LMNTD1: variants seen among roughly 807,000 people sequenced by gnomAD.
The protein encoded by LMNTD1 is lamin tail domain containing 1, also known as lamin tail domain-containing protein 1.
In LMNTD1, 35 loss-of-function variants were observed where a neutral mutation model predicts 50.9. The ratio of observed to expected loss-of-function variants is 0.69; its 90% CI spans 0.53 to 0.91. The LOEUF is 0.91. Among genes scored for constraint, LMNTD1 ranks in the 40% least tolerant of loss-of-function variants. The probability of loss-of-function intolerance (pLI) is 0.00; values close to 1 mark genes in which losing one functional copy is unlikely to be tolerated. For synonymous variants in LMNTD1, 153 were observed against 161.9 expected (o/e 0.94, Z 0.42); for missense variants, 470 against 475.5 (o/e 0.99, Z 0.11).
At chr12:25,598,728 T>G (rs1283800950) in intron 1 of LMNTD1, among the ~76,000 whole-genome samples, 1 of 151,840 alleles carries the variant, frequency 6.6e-6, no homozygotes, top group Non-Finnish European at 1.5e-5. Context: ...AGCAACTATA[T>G]GCCAATAAAT....
intron 4 of LMNTD1, among the ~76,000 whole-genome samples, chr12:25,541,533 A>T (rs994783939): frequency 1.0e-5 from 1 of 97,154 alleles, no homozygotes; most frequent in African/African-American, 3.4e-5. Context: ...GAAAGCTGAA[A>T]CTGGATCCCT....
intron 1 of LMNTD1, among the ~76,000 whole-genome samples, chr12:25,589,220 C>G (rs542908810): frequency 3.9e-5 from 6 of 152,220 alleles, no homozygotes; most frequent in African/African-American, 1.4e-4. Flanking sequence ...ATGTATATAA[C>G]AGTCAGAAAT....
intron 1 of LMNTD1, among the ~76,000 whole-genome samples, chr12:25,571,963 C>T (rs1476159864): frequency 2.6e-5 from 4 of 152,192 alleles, no homozygotes; most frequent in African/African-American, 2.4e-5. Context: ...TAAGCCACCA[C>T]ACCCAGCTCA....
At chr12:25,518,689 A>G in intron 8 of LMNTD1, 106 bp downstream of exon 8, 2 of 948,366 alleles carry the variant, frequency 2.1e-6, no homozygotes, top group Non-Finnish European at 3.2e-6. Context: ...TGAGAATATG[A>G]ATCATCTTTA....
At chr12:25,640,311 A>G (rs1475859092) in intron 1 of LMNTD1, among the ~76,000 whole-genome samples, 6 of 152,100 alleles carry the variant, frequency 3.9e-5, no homozygotes, top group Admixed American at 3.9e-4. Flanking sequence ...GGAGTTCGAG[A>G]CCAGCCTGGG....
At chr12:25,633,536 A>T (rs1096019) in intron 1 of LMNTD1, among the ~76,000 whole-genome samples, 150,568 of 152,302 alleles carry the variant, frequency 0.99, 74,458 homozygotes, top group Middle Eastern at 1. Flanking sequence ...TTCAAAACCA[A>T]GCAAACACAA....
intron 4 of LMNTD1, among the ~76,000 whole-genome samples, chr12:25,537,358 G>C (rs994184139): frequency 6.6e-6 from 1 of 152,234 alleles, no homozygotes; most frequent in Non-Finnish European, 1.5e-5. Flanking sequence ...GGTTCTCCCA[G>C]TACGCAGCTG....
chr12:25,594,667 A>C lies in LMNTD1; in HGVS notation c.59-48113T>G, dbSNP rs952255728. ...ACAGAAATACAAAAAAAAAAAAAAA[A>C]AAAAAAAAACCCAAGGCATACAGGC... On this transcript the variant is annotated intron_variant, in intron 1 of 7. Coordinates refer to the LMNTD1 transcript ENST00000445693. Among the ~76,000 whole-genome samples the C allele has an allele frequency of 1.7e-3, 256 of 151,066 alleles. 2 individuals carry two copies. The highest frequency in any genetic ancestry group is 3.0e-3 in the Non-Finnish European group (206 of 67,640).
intron 1 of LMNTD1, among the ~76,000 whole-genome samples, chr12:25,595,321 T>C (rs1249304565): frequency 6.6e-6 from 1 of 152,110 alleles, no homozygotes; most frequent in Non-Finnish European, 1.5e-5. Flanking sequence ...ATAGACTATA[T>C]AATAGGCCAC....
chr12:25,477,371 AACATTG>A (rs34999018), intron 9 of LMNTD1, among the ~76,000 whole-genome samples: 1,793 of 152,180 alleles, frequency 0.012, 35 homozygotes, highest in African/African-American at 0.041. Flanking sequence ...GAGTCAATAG[AACATTG>A]TTCTAGTGGG....
chr12:25,538,269 C>T (rs1177927302), intron 4 of LMNTD1, among the ~76,000 whole-genome samples: 37 of 134,196 alleles, frequency 2.8e-4, no homozygotes, highest in Non-Finnish European at 9.8e-5. Context: ...GACACATAAT[C>T]GTCAGATTCA....
intron 1 of LMNTD1, among the ~76,000 whole-genome samples, chr12:25,608,342 A>G (rs1160570349): frequency 6.6e-6 from 1 of 152,134 alleles, no homozygotes; most frequent in Admixed American, 6.6e-5. Context: ...ATTTAAGGTT[A>G]ATATTGTGAT....
At position 25,606,440 on chromosome 12, in the gene LMNTD1, T is replaced by C. The variant is rs551077213; in HGVS notation, c.58+42054A>G. Among the ~76,000 whole-genome samples the C allele has an allele frequency of 4.9e-3, 747 of 152,282 alleles. 1 individual carries two copies. Among genetic ancestry groups the C allele is most frequent in the Non-Finnish European group, 7.8e-3 (529 of 68,022 alleles). ...TCAAAGGGAATGCTTCCAGTTTTTGTCCATTCAGTATGATATTGGCTGTGG... is the reference window on the plus strand; with the variant it reads ...TCAAAGGGAATGCTTCCAGTTTTTGCCCATTCAGTATGATATTGGCTGTGG... On this transcript the variant is annotated intron_variant, in intron 1 of 7. Coordinates refer to the LMNTD1 transcript ENST00000445693.
chr12:25,504,150 A>G (rs987427789), intron 8 of LMNTD1, among the ~76,000 whole-genome samples: 2 of 152,172 alleles, frequency 1.3e-5, no homozygotes, highest in African/African-American at 4.8e-5. Flanking sequence ...TTTAAAATGG[A>G]GGTTTGCAGA....
At chr12:25,568,774 T>C (rs1002553853) in intron 1 of LMNTD1, among the ~76,000 whole-genome samples, 1 of 152,244 alleles carries the variant, frequency 6.6e-6, no homozygotes, top group African/African-American at 2.4e-5. Flanking sequence ...CCTTGGCAGC[T>C]TCCACATGAT....
chr12:25,570,464 A>C (rs1944740865), intron 1 of LMNTD1, among the ~76,000 whole-genome samples: 1 of 152,184 alleles, frequency 6.6e-6, no homozygotes, highest in Non-Finnish European at 1.5e-5. Flanking sequence ...GCATTCAATC[A>C]ATCAACAAAT....
At chr12:25,482,157 T>C (rs999928588) in intron 9 of LMNTD1, among the ~76,000 whole-genome samples, 2 of 152,028 alleles carry the variant, frequency 1.3e-5, no homozygotes, top group African/African-American at 2.4e-5. Flanking sequence ...GGCTATACAA[T>C]TGCTGTCATC....
At chr12:25,564,981 C>A (rs1944494028) in intron 1 of LMNTD1, among the ~76,000 whole-genome samples, 1 of 152,010 alleles carries the variant, frequency 6.6e-6, no homozygotes, top group Non-Finnish European at 1.5e-5. Flanking sequence ...TATATAGTGA[C>A]CTTCTTTGTC....
At position 25,519,888 on chromosome 12, in the gene LMNTD1, T is replaced by G. The variant is rs1345013544; in HGVS notation, c.986A>C (p.Gln329Pro). The change falls in exon 7 of 10, where the codon CAG (glutamine) becomes CCG (proline). Residue 329 changes from glutamine (Q) to proline (P), a missense_variant. Physicochemically the swap from Gln to Pro is moderately conservative, Grantham distance 76 (BLOSUM62 -1). Coordinates refer to ENST00000458174, the MANE Select transcript of LMNTD1 (RefSeq NM_001145728.2). Reference protein sequence around the residue: ...DQPKKDISNYQVEQAQVLLKR... With the variant: ...DQPKKDISNYPVEQAQVLLKR... ...AAGAAGAACTTGAGCTTGTTCCACC[T>G]GATAATTTGAGATATCTTTCTTAGG... The G allele has an allele frequency of 6.2e-7, 1 of 1,611,446 alleles. No individual in the cohort carries two copies. The highest frequency in any genetic ancestry group is 1.7e-5 in the Admixed American group (1 of 59,892).
Sources: allele counts gnomAD v4.1 joint callset (sites outside exome capture counted in the v4.1 genomes callset), GRCh38; gene constraint gnomAD v4.1.1; transcripts MANE v1.5; gene names NCBI Gene and HGNC (gene_info 2026-07-23, HGNC 2026-07-21).